The following AP4E1 variants were observed in gnomAD, a reference collection of about 807,000 sequenced individuals.
AP4E1 encodes the protein adaptor related protein complex 4 subunit epsilon 1, also known as AP-4 complex subunit epsilon-1.
A neutral mutation model predicts 128.2 loss-of-function variants in AP4E1; 56 were observed. That is an observed-to-expected ratio of 0.44 (90% CI 0.35 to 0.55). AP4E1 has a LOEUF of 0.55. Ranked by LOEUF, AP4E1 falls within the 20% of genes least tolerant of loss-of-function variation. The pLI is 0.00. For synonymous variants in AP4E1, 484 were observed against 473.1 expected (o/e 1.02, Z -0.30); for missense variants, 1,324 against 1,307.7 (o/e 1.01, Z -0.19).
chr15:50,962,391 G>T (rs1412103701), intron 14 of AP4E1, among the ~76,000 whole-genome samples: 3 of 151,956 alleles, frequency 2.0e-5, no homozygotes, highest in African/African-American at 7.3e-5. Context: ...AAACAACATG[G>T]TATTGGTATA....
At chr15:50,935,872 G>A (rs994656921) in intron 8 of AP4E1, among the ~76,000 whole-genome samples, 2 of 152,214 alleles carry the variant, frequency 1.3e-5, no homozygotes, top group Non-Finnish European at 2.9e-5. Context: ...GCACATGGTA[G>A]TGAATTGGGG....
At position 50,984,159 on chromosome 15, in the gene AP4E1, T is replaced by G. The variant is rs760908528; in HGVS notation, c.2090+14T>G. 2 of 1,612,610 alleles carry G rather than the reference T, an allele frequency of 1.2e-6. No individual in the cohort carries two copies. Among genetic ancestry groups the G allele is most frequent in the Non-Finnish European group, 1.7e-6 (2 of 1,178,988 alleles). ...AGGACTGAAAGAGTAAGTTCATTTC[T>G]TATTAAAATTGAGGTTATGGGAGTG... On this transcript the variant is annotated intron_variant, in intron 16 of 20. Transcript: ENST00000261842.
At position 50,930,792 on chromosome 15, in the gene AP4E1, C is replaced by CG. The variant is rs768796460; in HGVS notation, c.703-7dup. 1.1e-5 allele frequency: 18 copies of CG among 1,611,282 alleles called. No individual in the cohort carries two copies. The South Asian group carries it at 1.9e-4, about 17-fold the overall frequency. On this transcript the variant is annotated splice_polypyrimidine_tract_variant and intron_variant, in intron 6 of 20. Transcript: ENST00000261842. ...GACGTTATTAACAAAGTTTTTTTTG[C>CG]GGGGGGATGTAGGAGAATTCATCTG...
chr15:50,968,441 T>A (rs565619569), intron 15 of AP4E1, 64 bp downstream of exon 15: 2 of 1,105,722 alleles, frequency 1.8e-6, no homozygotes, highest in East Asian at 2.6e-5. Flanking sequence ...ATTATAGTCA[T>A]GTAAGTAAAT....
intron 19 of AP4E1, 62 bp downstream of exon 19, chr15:50,999,324 TCTC>T: frequency 7.0e-7 from 1 of 1,420,590 alleles, no homozygotes. Flanking sequence ...TTAGACCTCT[TCTC>T]TGGATGGAGG....
At chr15:50,995,086 A>G (rs1262163543) in intron 17 of AP4E1, among the ~76,000 whole-genome samples, 2 of 152,154 alleles carry the variant, frequency 1.3e-5, no homozygotes, top group African/African-American at 2.4e-5. Flanking sequence ...TAAAATTAGC[A>G]TGTATCCTCT....
chr15:50,977,704 T>TG (rs1345676052), intron 15 of AP4E1, among the ~76,000 whole-genome samples: 36 of 113,012 alleles, frequency 3.2e-4, no homozygotes, highest in South Asian at 1.1e-3. Flanking sequence ...CAATCTGTTA[T>TG]GGTTTTTTTT....
chr15:50,914,348 A>C (rs2063602208), intron 2 of AP4E1, among the ~76,000 whole-genome samples: 1 of 152,044 alleles, frequency 6.6e-6, no homozygotes, highest in Non-Finnish European at 1.5e-5. Flanking sequence ...GTTAATTTTG[A>C]CATATTAAAA....
At chr15:50,929,700 A>G (rs533864575) in intron 6 of AP4E1, among the ~76,000 whole-genome samples, 1 of 152,326 alleles carries the variant, frequency 6.6e-6, no homozygotes, top group South Asian at 2.1e-4. Flanking sequence ...ACATATTTGT[A>G]ACAGATTTCA....
chr15:50,991,246 C>G (rs1415157411), intron 16 of AP4E1, among the ~76,000 whole-genome samples: 1 of 152,186 alleles, frequency 6.6e-6, no homozygotes, highest in Non-Finnish European at 1.5e-5. Flanking sequence ...CCGGATGGAG[C>G]AGCCCATTGT....
chr15:50,948,112 G>A lies in AP4E1; in HGVS notation c.1269G>A (p.Glu423=). ...MLEYLHQSKE[E]YVIVNLVGKI... Reference sequence around the variant, plus strand: ...AATATTTACATCAGAGCAAAGAAGAGTATGTCATCGTCAATTTGGTCGGCA... The same window carrying A: ...AATATTTACATCAGAGCAAAGAAGAATATGTCATCGTCAATTTGGTCGGCA... Residue 423 remains glutamate, a synonymous_variant, in exon 11 of 21, where the codon GAG becomes GAA. Transcript: ENST00000261842. The A allele has an allele frequency of 6.2e-7, 1 of 1,613,964 alleles. No homozygotes were observed.
intron 3 of AP4E1, among the ~76,000 whole-genome samples, chr15:50,918,724 T>C (rs547860754): frequency 6.6e-6 from 1 of 152,266 alleles, no homozygotes; most frequent in East Asian, 1.9e-4. Context: ...CTCTCTTTTA[T>C]ATAAAAGGCA....
At chr15:50,994,164 C>G (rs1160104672) in intron 17 of AP4E1, among the ~76,000 whole-genome samples, 2 of 151,936 alleles carry the variant, frequency 1.3e-5, no homozygotes, top group Non-Finnish European at 2.9e-5. Context: ...ATACCTAAGG[C>G]TGAAAGGAAT....
Position 51,002,673 on chromosome 15 carries a change from G to A in AP4E1, c.*11G>A. 1 of 1,613,782 alleles carries A rather than the reference G, an allele frequency of 6.2e-7. No homozygotes were observed. The highest frequency in any genetic ancestry group is 8.5e-7 in the Non-Finnish European group (1 of 1,179,874). On this transcript the variant is annotated 3_prime_UTR_variant, in exon 21 of 21. Transcript: ENST00000261842. Reference sequence around the variant, plus strand: ...ATGGAGGGATCCTAGCAGAAGCCCTGCTAAATTTTACTCCATCAAGATCAA... The same window carrying A: ...ATGGAGGGATCCTAGCAGAAGCCCTACTAAATTTTACTCCATCAAGATCAA...
intron 3 of AP4E1, among the ~76,000 whole-genome samples, chr15:50,918,391 T>C (rs576985272): frequency 1.3e-5 from 2 of 152,326 alleles, no homozygotes; most frequent in South Asian, 2.1e-4. Context: ...TCCTGCTCTT[T>C]CTTGTTACTT....
At chr15:50,910,241 C>T (rs1000835503) in intron 1 of AP4E1, among the ~76,000 whole-genome samples, 2 of 152,200 alleles carry the variant, frequency 1.3e-5, no homozygotes, top group South Asian at 2.1e-4. Flanking sequence ...CTTCGGCCTC[C>T]CAAAGTGCTG....
intron 13 of AP4E1, among the ~76,000 whole-genome samples, chr15:50,953,261 C>A (rs929206995): frequency 4.6e-5 from 7 of 152,006 alleles, no homozygotes; most frequent in Admixed American, 6.6e-5. Context: ...TGTCTATGAA[C>A]GTGGCATGTC....
intron 3 of AP4E1, among the ~76,000 whole-genome samples, chr15:50,918,630 T>C (rs1227263251): frequency 5.3e-5 from 8 of 152,176 alleles, no homozygotes; most frequent in African/African-American, 1.2e-4. Flanking sequence ...TTTACCCTCA[T>C]AGGGAACTAT....
chr15:50,909,741 G>A (rs1210489556), intron 1 of AP4E1, among the ~76,000 whole-genome samples: 1 of 152,082 alleles, frequency 6.6e-6, no homozygotes, highest in Non-Finnish European at 1.5e-5. Context: ...AGGCTGGAGT[G>A]CAGTGGCGCG....
Sources: allele counts gnomAD v4.1 joint callset (sites outside exome capture counted in the v4.1 genomes callset), GRCh38; gene constraint gnomAD v4.1.1; transcripts MANE v1.5; gene names NCBI Gene and HGNC (gene_info 2026-07-23, HGNC 2026-07-21).